Variants in CADPS2 observed in about 807,000 individuals in gnomAD.
CADPS2 encodes the protein calcium dependent secretion activator 2.
In CADPS2, 93 loss-of-function variants were observed where a neutral mutation model predicts 172.5. The observed-to-expected ratio is 0.54, with a 90% CI of 0.46 to 0.64. CADPS2 has a LOEUF of 0.64. Among genes scored for constraint, CADPS2 ranks in the 30% least tolerant of loss-of-function variants. The pLI is 0.00. For synonymous variants in CADPS2, 546 were observed against 555.2 expected, an observed-to-expected ratio of 0.98 and a Z score of 0.23; for missense variants, 1,420 against 1,565.9, an observed-to-expected ratio of 0.91 and a Z score of 1.57.
intron 1 of CADPS2, among the ~76,000 whole-genome samples, chr7:122,869,231 G>A (rs1057068822): frequency 3.3e-5 from 5 of 151,996 alleles, no homozygotes; most frequent in Non-Finnish European, 5.9e-5. Context: ...GATGAATCCA[G>A]AGACCCACAA....
intron 1 of CADPS2, among the ~76,000 whole-genome samples, chr7:122,763,361 A>C (rs1193833757): frequency 6.6e-6 from 1 of 152,132 alleles, no homozygotes; most frequent in Non-Finnish European, 1.5e-5. Context: ...GCTGAATCCT[A>C]CTCCACGACA....
At chr7:122,402,806 A>T (rs1356576997) in intron 20 of CADPS2, among the ~76,000 whole-genome samples, 1 of 152,232 alleles carries the variant, frequency 6.6e-6, no homozygotes, top group Non-Finnish European at 1.5e-5. Context: ...GATGTAAGCA[A>T]GCACTGTTTT....
At chr7:122,614,668 CTG>C (rs1320054531) in intron 6 of CADPS2, among the ~76,000 whole-genome samples, 1 of 152,074 alleles carries the variant, frequency 6.6e-6, no homozygotes, top group Non-Finnish European at 1.5e-5. Context: ...AAACATCAAA[CTG>C]TTGGCAAAAA....
At chr7:122,517,841 G>A (rs11764665) in intron 8 of CADPS2, among the ~76,000 whole-genome samples, 25,647 of 151,750 alleles carry the variant, frequency 0.17, 2,977 homozygotes, top group Middle Eastern at 0.27. Context: ...AAAATGGAGC[G>A]AAAATCTTTT....
intron 1 of CADPS2, among the ~76,000 whole-genome samples, chr7:122,848,630 G>A (rs1584901395): frequency 1.3e-5 from 2 of 152,312 alleles, no homozygotes; most frequent in South Asian, 4.1e-4. Context: ...AGCCTCAAAT[G>A]CCTGTTTTTT....
In CADPS2 at chr7:122,395,307, C is replaced by T. The variant is rs114123750; in HGVS notation, c.2747-1725G>A. Among the ~76,000 whole-genome samples the T allele has an allele frequency of 2.7e-3, 411 of 152,116 alleles. 2 individuals are homozygous for T. Among genetic ancestry groups the T allele is most frequent in the African/African-American group, 9.4e-3 (390 of 41,518 alleles). On this transcript the variant is annotated intron_variant, in intron 20 of 29. Transcript: ENST00000449022. ...AAGGAAATATAACAGATTTTTTTTT[C>T]TACCTCTAATTGATATGGGTTAGTA... is the stretch of plus-strand genomic sequence containing the variant.
chr7:122,485,431 T>C (rs1046322751), intron 11 of CADPS2, among the ~76,000 whole-genome samples: 1 of 152,206 alleles, frequency 6.6e-6, no homozygotes, highest in Non-Finnish European at 1.5e-5. Context: ...GTTTGAATGG[T>C]CTGGATAGAT....
chr7:122,741,338 T>C (rs1331615867), intron 1 of CADPS2, among the ~76,000 whole-genome samples: 1 of 152,192 alleles, frequency 6.6e-6, no homozygotes, highest in East Asian at 1.9e-4. Flanking sequence ...CTGTGGGAAC[T>C]GGACAGACAG....
chr7:122,546,345 TAG>T (rs754620411), intron 8 of CADPS2, among the ~76,000 whole-genome samples: 1 of 152,184 alleles, frequency 6.6e-6, no homozygotes, highest in Admixed American at 6.6e-5. Context: ...TATGATTATA[TAG>T]AGAGGAGTAG....
chr7:122,597,595 G>A (rs2072042292), intron 6 of CADPS2, among the ~76,000 whole-genome samples: 2 of 152,070 alleles, frequency 1.3e-5, no homozygotes, highest in Admixed American at 6.6e-5. Context: ...TTTTGTCTCT[G>A]AAATGAATCT....
chr7:122,578,989 G>C (rs905489992), intron 7 of CADPS2, among the ~76,000 whole-genome samples: 2 of 152,074 alleles, frequency 1.3e-5, no homozygotes, highest in African/African-American at 4.8e-5. Flanking sequence ...TCTATGGAAG[G>C]CTTTATGGGG....
intron 3 of CADPS2, among the ~76,000 whole-genome samples, chr7:122,649,900 T>TTTTTTTTTTTTG (rs2078965849): frequency 1.7e-5 from 1 of 58,674 alleles, no homozygotes; most frequent in South Asian, 6.8e-4. Context: ...ATTCAATGAT[T>TTTTTTTTTTTTG]TTTTTTTTTT....
rs182023849 is a variant in CADPS2 at position 122,849,291 on chromosome 7, A to G, written c.339+36708T>C. Among the ~76,000 whole-genome samples the G allele has an allele frequency of 2.6e-3, 393 of 152,348 alleles. 2 individuals carry two copies. Among genetic ancestry groups the G allele is most frequent in the African/African-American group, 8.7e-3 (363 of 41,580 alleles). On this transcript the variant is annotated intron_variant, in intron 1 of 29. Coordinates refer to ENST00000449022, the MANE Select transcript of CADPS2 (RefSeq NM_017954.11). Reference sequence around the variant, plus strand: ...CTCAATCTGTAAAATATCTGGAGGAAACTATTTTTTCACTTATATTTAATT... The same window carrying G: ...CTCAATCTGTAAAATATCTGGAGGAGACTATTTTTTCACTTATATTTAATT...
intron 14 of CADPS2, among the ~76,000 whole-genome samples, chr7:122,470,489 TTTTTTATTTTTA>T (rs901842820): frequency 2.0e-5 from 3 of 151,920 alleles, no homozygotes; most frequent in African/African-American, 7.3e-5. Context: ...TTTTTATTTA[TTTTTTATTTTTA>T]TTTTTATTTT....
Position 122,886,085 on chromosome 7 carries a change from G to A in CADPS2, c.253C>T (p.Leu85=). 6.3e-7 allele frequency: 1 copy of A among 1,589,308 alleles called. No homozygotes were observed. The highest frequency in any genetic ancestry group is 8.6e-7 in the Non-Finnish European group (1 of 1,168,472). Residue 85 remains leucine (L), a synonymous_variant, in exon 1 of 30, where the codon CTG becomes TTG. Transcript: ENST00000449022. ...LDDEQERRIR[L]QLYVFVVRCI... ...CTCACGACGAAGACGTAGAGCTGCA[G>A]GCGGATCCTCCGCTCCTGCTCATCG...
intron 1 of CADPS2, among the ~76,000 whole-genome samples, chr7:122,744,588 T>C (rs1180582356): frequency 6.6e-6 from 1 of 152,194 alleles, no homozygotes; most frequent in Non-Finnish European, 1.5e-5. Flanking sequence ...AACAAAGTTA[T>C]TTTGGCAAAC....
At chr7:122,452,920 G>T (rs527771000) in intron 14 of CADPS2, among the ~76,000 whole-genome samples, 1 of 152,072 alleles carries the variant, frequency 6.6e-6, no homozygotes, top group Non-Finnish European at 1.5e-5. Flanking sequence ...TTTGATGCTT[G>T]TTAACTAGTC....
At chr7:122,811,221 T>C (rs962401526) in intron 1 of CADPS2, among the ~76,000 whole-genome samples, 3 of 152,202 alleles carry the variant, frequency 2.0e-5, no homozygotes, top group African/African-American at 7.2e-5. Context: ...CTGTAAATGA[T>C]TGCTTTCCCA....
chr7:122,873,323 G>GC (rs1417882972), intron 1 of CADPS2, among the ~76,000 whole-genome samples: 1 of 151,884 alleles, frequency 6.6e-6, no homozygotes, highest in African/African-American at 2.4e-5. Flanking sequence ...CCCTCCTCTA[G>GC]CCCCCCAACC....
Sources: gnomAD v4.1 joint callset for allele counts (sites outside exome capture counted in the v4.1 genomes callset) on GRCh38, gnomAD v4.1.1 for gene constraint, MANE v1.5 for transcripts, NCBI Gene and HGNC (gene_info 2026-07-23, HGNC 2026-07-21) for gene names.